Variants in RAB11FIP2 observed in about 807,000 individuals in gnomAD.
RAB11FIP2 encodes RAB11 family interacting protein 2.
RAB11FIP2 carries 16 observed loss-of-function variants against 40.9 expected under a neutral mutation model. The ratio of observed to expected loss-of-function variants is 0.39; its 90% confidence interval spans 0.26 to 0.59. The LOEUF is 0.59. Ranked by LOEUF, RAB11FIP2 falls within the 20% of genes least tolerant of loss-of-function variation. The pLI, the probability that RAB11FIP2 is intolerant of heterozygous loss-of-function variation, is 0.53. For missense variants in RAB11FIP2, 532 were observed against 606.2 expected, an observed-to-expected ratio of 0.88 and a Z score of 1.28; for synonymous variants, 228 against 213.7, an observed-to-expected ratio of 1.07 and a Z score of -0.58.
intron 3 of RAB11FIP2, among the ~76,000 whole-genome samples, chr10:118,026,649 T>G (rs2133172590): frequency 6.6e-6 from 1 of 152,332 alleles, no homozygotes; most frequent in Admixed American, 6.5e-5. Flanking sequence ...TAATTTGAGC[T>G]CAGCCATCTG....
At chr10:118,036,492 C>T (rs970020740) in intron 3 of RAB11FIP2, among the ~76,000 whole-genome samples, 1 of 152,106 alleles carries the variant, frequency 6.6e-6, no homozygotes, top group African/African-American at 2.4e-5. Flanking sequence ...GACAACACTA[C>T]CTTGGCAATA....
chr10:118,039,697 A>C, intron 2 of RAB11FIP2: 1 of 427,030 alleles, frequency 2.3e-6, no homozygotes, highest in Non-Finnish European at 4.1e-6. Flanking sequence ...TGATGTCAAA[A>C]CTAGAGGTTC....
intron 3 of RAB11FIP2, among the ~76,000 whole-genome samples, chr10:118,023,710 G>A (rs530212837): frequency 1.3e-5 from 2 of 152,288 alleles, no homozygotes; most frequent in South Asian, 4.1e-4. Flanking sequence ...GTTGGTGAAA[G>A]TCCTAGAACT....
chr10:118,028,445 C>T (rs1846371990), intron 3 of RAB11FIP2, among the ~76,000 whole-genome samples: 1 of 151,804 alleles, frequency 6.6e-6, no homozygotes, highest in East Asian at 1.9e-4. Context: ...TCTTAGATAC[C>T]AGTTACATGC....
At position 118,039,229 on chromosome 10, in the gene RAB11FIP2, C is replaced by A; in HGVS notation, c.1008G>T (p.Met336Ile). Reference sequence around the variant, plus strand: ...TTTCAATTGGTTTTGAAAATAAATTCATGCTGCTGTCCCATGTTTCGCTGC... The same window carrying A: ...TTTCAATTGGTTTTGAAAATAAATTAATGCTGCTGTCCCATGTTTCGCTGC... ...EESSETWDSS[M>I]NLFSKPIEIR... The change falls in exon 3 of 5, where the codon ATG becomes ATT. Residue 336 changes from methionine (M) to isoleucine (I), a missense_variant. Met to Ile is a conservative substitution (Grantham distance 10). Transcript: ENST00000355624. 2 of 1,613,674 alleles carry A rather than the reference C, an allele frequency of 1.2e-6. No individual in the cohort carries two copies. The highest frequency in any genetic ancestry group is 1.7e-6 in the Non-Finnish European group (2 of 1,179,764).
intron 3 of RAB11FIP2, among the ~76,000 whole-genome samples, chr10:118,027,586 T>C (rs1048075089): frequency 4.6e-5 from 7 of 152,202 alleles, no homozygotes; most frequent in South Asian, 4.1e-4. Context: ...GAGTTCATTA[T>C]ACTTCATGCA....
chr10:118,016,550 T>A lies in RAB11FIP2; in HGVS notation c.1266-1440A>T, dbSNP rs1006815891. Among the ~76,000 whole-genome samples, 19 of 152,294 alleles carry A rather than the reference T, an allele frequency of 1.2e-4. No individual in the cohort carries two copies. The South Asian group carries it at 3.9e-3, about 32-fold the overall frequency. On this transcript the variant is annotated intron_variant, in intron 3 of 4. Coordinates refer to ENST00000355624, the MANE Select transcript of RAB11FIP2 (RefSeq NM_014904.3). Reference sequence around the variant, plus strand: ...GGTTTCCATCCTCTCTGATTTTCGATCCAAGGTAGCCAACAGGGGGTCCAG... The same window carrying A: ...GGTTTCCATCCTCTCTGATTTTCGAACCAAGGTAGCCAACAGGGGGTCCAG...
At chr10:118,009,260 A>G (rs771471767) in intron 4 of RAB11FIP2, 35 bp from the exon 5 acceptor site, 17 of 1,535,822 alleles carry the variant, frequency 1.1e-5, no homozygotes, top group South Asian at 4.7e-5. Flanking sequence ...TTTCATAGAT[A>G]TAACATCTGG....
intron 4 of RAB11FIP2, among the ~76,000 whole-genome samples, chr10:118,009,827 G>C (rs74341660): frequency 1.6e-4 from 24 of 152,174 alleles, no homozygotes; most frequent in Non-Finnish European, 3.5e-4. Flanking sequence ...TTCCTCCCCT[G>C]AGTAACTGGT....
chr10:118,044,952 C>T (rs1318878261), intron 1 of RAB11FIP2, among the ~76,000 whole-genome samples: 2 of 152,046 alleles, frequency 1.3e-5, no homozygotes, highest in Non-Finnish European at 2.9e-5. Context: ...GTATACTTAA[C>T]TCTAAAAACA....
intron 3 of RAB11FIP2, among the ~76,000 whole-genome samples, chr10:118,028,270 T>C (rs1185715585): frequency 1.3e-5 from 2 of 151,532 alleles, no homozygotes; most frequent in Non-Finnish European, 2.9e-5. Context: ...ATAAAATACA[T>C]AAAGACATTT....
At chr10:118,035,950 T>C (rs1332744394) in intron 3 of RAB11FIP2, among the ~76,000 whole-genome samples, 4 of 152,078 alleles carry the variant, frequency 2.6e-5, no homozygotes, top group South Asian at 2.1e-4. Context: ...ACTTCCTCTA[T>C]CAGTTTTATG....
chr10:118,009,068 T>C lies in RAB11FIP2; in HGVS notation c.1469A>G (p.Glu490Gly), dbSNP rs1209691945. 3 of 1,613,486 alleles carry C rather than the reference T, an allele frequency of 1.9e-6. No homozygotes were observed. The highest frequency in any genetic ancestry group is 2.5e-6 in the Non-Finnish European group (3 of 1,179,634). ...CACTCTGAGAATACTGGGCGTTTCT[T>C]CCATTACCCTTACAAGGAGGTTGTC... ...YIDNLLVRVM[E>G]ETPSILRVPY... The change falls in exon 5 of 5, where the codon GAA becomes GGA. Residue 490 changes from glutamate to glycine, a missense_variant. Physicochemically the swap from Glu to Gly is moderately conservative, Grantham distance 98. Coordinates refer to ENST00000355624, the MANE Select transcript of RAB11FIP2 (RefSeq NM_014904.3).
intron 4 of RAB11FIP2, among the ~76,000 whole-genome samples, chr10:118,009,722 T>A (rs1846133659): frequency 6.6e-6 from 1 of 152,094 alleles, no homozygotes; most frequent in African/African-American, 2.4e-5. Context: ...TAATTTGCTA[T>A]GAAAATGGAA....
chr10:118,018,760 C>A (rs943189125), intron 3 of RAB11FIP2, among the ~76,000 whole-genome samples: 38 of 152,246 alleles, frequency 2.5e-4, no homozygotes, highest in East Asian at 7.7e-4. Flanking sequence ...AGAAATAAAT[C>A]AGTGAGGTCT....
chr10:118,022,520 A>T (rs1846293522), intron 3 of RAB11FIP2, among the ~76,000 whole-genome samples: 1 of 152,210 alleles, frequency 6.6e-6, no homozygotes, highest in Admixed American at 6.5e-5. Context: ...CCTAATGCCA[A>T]GGAACAATCT....
At chr10:118,036,068 T>C (rs1355591129) in intron 3 of RAB11FIP2, among the ~76,000 whole-genome samples, 1 of 151,952 alleles carries the variant, frequency 6.6e-6, no homozygotes, top group African/African-American at 2.4e-5. Context: ...GAATAAAAAG[T>C]CTAACTTCTA....
At chr10:118,031,134 C>G (rs1418140757) in intron 3 of RAB11FIP2, among the ~76,000 whole-genome samples, 1 of 151,952 alleles carries the variant, frequency 6.6e-6, no homozygotes, top group Non-Finnish European at 1.5e-5. Flanking sequence ...GAATAACAGG[C>G]AAATTATCTT....
intron 3 of RAB11FIP2, among the ~76,000 whole-genome samples, chr10:118,028,140 AAC>A (rs1368632653): frequency 1.3e-5 from 2 of 152,170 alleles, no homozygotes; most frequent in Non-Finnish European, 2.9e-5. Flanking sequence ...ACATTTGTGA[AAC>A]AGTTTTTTCT....
Sources: allele counts gnomAD v4.1 joint callset (sites outside exome capture counted in the v4.1 genomes callset), GRCh38; gene constraint gnomAD v4.1.1; transcripts MANE v1.5; gene names NCBI Gene and HGNC (gene_info 2026-07-23, HGNC 2026-07-21).